Variants in CNTNAP2 observed in about 807,000 individuals in gnomAD.
CNTNAP2 encodes contactin associated protein 2.
A neutral mutation model predicts 155.2 loss-of-function variants in CNTNAP2; 98 were observed. That is an observed-to-expected ratio of 0.63 (90% CI 0.54 to 0.75). The LOEUF is 0.75. Among genes scored for constraint, CNTNAP2 ranks in the 30% least tolerant of loss-of-function variants. The pLI is 0.00. For missense variants in CNTNAP2, 1,727 were observed against 1,688.1 expected, an observed-to-expected ratio of 1.02 and a Z score of -0.40; for synonymous variants, 651 against 631.2, an observed-to-expected ratio of 1.03 and a Z score of -0.47.
intron 20 of CNTNAP2, among the ~76,000 whole-genome samples, chr7:148,247,663 A>T (rs141513969): frequency 0.26 from 26,486 of 103,626 alleles, 3,147 homozygotes; most frequent in Non-Finnish European, 0.29. Flanking sequence ...TTATTTATTT[A>T]TTTTTTTGGA....
At chr7:147,028,756 C>G (rs1798970007) in intron 3 of CNTNAP2, among the ~76,000 whole-genome samples, 2 of 152,020 alleles carry the variant, frequency 1.3e-5, no homozygotes, top group South Asian at 4.1e-4. Flanking sequence ...GTGAAGGAAA[C>G]AGATAATAAC....
intron 1 of CNTNAP2, among the ~76,000 whole-genome samples, chr7:146,324,468 G>A (rs1801062456): frequency 6.6e-6 from 1 of 152,090 alleles, no homozygotes; most frequent in Non-Finnish European, 1.5e-5. Context: ...CTTCCCCTGT[G>A]TCTCCTGTTT....
intron 12 of CNTNAP2, among the ~76,000 whole-genome samples, chr7:147,605,221 T>C (rs1290815087): frequency 2.0e-5 from 3 of 152,162 alleles, no homozygotes; most frequent in Non-Finnish European, 4.4e-5. Flanking sequence ...CTTCCTTCTA[T>C]AGGGATGAAA....
At chr7:146,361,276 T>A (rs774581992) in intron 1 of CNTNAP2, among the ~76,000 whole-genome samples, 6 of 152,152 alleles carry the variant, frequency 3.9e-5, no homozygotes, top group African/African-American at 7.2e-5. Context: ...AAAATTTGCA[T>A]ATTCAGAGGG....
At chr7:147,662,772 C>G (rs897441905) in intron 13 of CNTNAP2, among the ~76,000 whole-genome samples, 1 of 152,204 alleles carries the variant, frequency 6.6e-6, no homozygotes, top group East Asian at 1.9e-4. Flanking sequence ...AGTGACATCT[C>G]TACAGGCTAG....
rs146096774 is a variant in CNTNAP2 at position 147,723,591 on chromosome 7, G to T, written c.2098+84285G>T. Among the ~76,000 whole-genome samples, 102 of 150,976 alleles carry T rather than the reference G, an allele frequency of 6.8e-4. 1 individual carries two copies. The highest frequency in any genetic ancestry group is 2.4e-3 in the African/African-American group (97 of 41,104). ...TTGTCTTTTTTTTTTTAGAACTCTA[G>T]TTGCAAAACTCTGCTTATACGTGAA... On this transcript the variant is annotated intron_variant, in intron 13 of 23. Coordinates refer to ENST00000361727, the MANE Select transcript of CNTNAP2 (RefSeq NM_014141.6).
At chr7:146,551,323 GT>G (rs1311595947) in intron 1 of CNTNAP2, among the ~76,000 whole-genome samples, 1 of 151,828 alleles carries the variant, frequency 6.6e-6, no homozygotes, top group African/African-American at 2.4e-5. Flanking sequence ...AGTGTGTGAT[GT>G]TCCCCTTCCT....
At chr7:146,174,650 C>A (rs1798444044) in intron 1 of CNTNAP2, among the ~76,000 whole-genome samples, 1 of 151,762 alleles carries the variant, frequency 6.6e-6, no homozygotes, top group Non-Finnish European at 1.5e-5. Context: ...CCAGCCTGGC[C>A]AATATGGCGA....
intron 1 of CNTNAP2, among the ~76,000 whole-genome samples, chr7:146,185,059 G>A (rs545137414): frequency 1.4e-4 from 21 of 152,176 alleles, no homozygotes; most frequent in Admixed American, 1.2e-3. Context: ...TCAGAACACA[G>A]GTTGTCCAAA....
intron 1 of CNTNAP2, among the ~76,000 whole-genome samples, chr7:146,539,437 A>G (rs1469877441): frequency 1.3e-5 from 2 of 152,080 alleles, no homozygotes; most frequent in Non-Finnish European, 2.9e-5. Context: ...GCAATCTGCC[A>G]GTTCAATGGA....
At chr7:147,231,701 C>T (rs189044537) in intron 8 of CNTNAP2, among the ~76,000 whole-genome samples, 2 of 152,166 alleles carry the variant, frequency 1.3e-5, no homozygotes, top group Non-Finnish European at 2.9e-5. Context: ...AGCATCTCTT[C>T]ATATACCTGT....
At chr7:148,172,202 G>A in intron 17 of CNTNAP2, 40 bp from the exon 18 acceptor site, 1 of 1,591,276 alleles carries the variant, frequency 6.3e-7, no homozygotes, top group Non-Finnish European at 8.6e-7. Flanking sequence ...CAATAGCAGA[G>A]GTTATTCCCT....
At chr7:147,672,669 C>T (rs187959887) in intron 13 of CNTNAP2, 7 of 152,198 alleles carry the variant, frequency 4.6e-5, no homozygotes, top group Admixed American at 2.0e-4. Flanking sequence ...ATTTTAGATG[C>T]TCTTCAGACT....
chr7:148,101,970 T>C (rs1304525099), intron 15 of CNTNAP2, among the ~76,000 whole-genome samples: 1 of 152,226 alleles, frequency 6.6e-6, no homozygotes, highest in Non-Finnish European at 1.5e-5. Flanking sequence ...GGACCAAAAC[T>C]TCTATTTTTT....
chr7:147,534,655 C>A (rs1261179744), intron 11 of CNTNAP2, among the ~76,000 whole-genome samples: 5 of 152,118 alleles, frequency 3.3e-5, no homozygotes, highest in Non-Finnish European at 5.9e-5. Flanking sequence ...AAAGATGGGA[C>A]TTTTAAAGTT....
chr7:147,292,020 T>C (rs938807483), intron 8 of CNTNAP2, among the ~76,000 whole-genome samples: 1 of 152,178 alleles, frequency 6.6e-6, no homozygotes, highest in Admixed American at 6.5e-5. Flanking sequence ...TGAAAATAAT[T>C]TTTCCTAGTC....
chr7:147,075,178 T>C (rs1405274524), intron 4 of CNTNAP2, among the ~76,000 whole-genome samples: 1 of 152,232 alleles, frequency 6.6e-6, no homozygotes, highest in African/African-American at 2.4e-5. Context: ...AATCTCATTT[T>C]ATAAATAAAT....
At chr7:147,903,503 T>C in intron 13 of CNTNAP2, 62 bp from the exon 14 acceptor site, 1 of 1,555,180 alleles carries the variant, frequency 6.4e-7, no homozygotes, top group Non-Finnish European at 8.9e-7. Flanking sequence ...TGGGTGTAAG[T>C]GTGGCAGTCT....
intron 15 of CNTNAP2, among the ~76,000 whole-genome samples, chr7:148,008,414 A>G (rs1802017441): frequency 1.3e-5 from 2 of 152,154 alleles, no homozygotes; most frequent in Non-Finnish European, 2.9e-5. Context: ...AAGCATTGAG[A>G]TTAAAGTGTT....
Sources: allele counts gnomAD v4.1 joint callset (sites outside exome capture counted in the v4.1 genomes callset), GRCh38; gene constraint gnomAD v4.1.1; transcripts MANE v1.5; gene names NCBI Gene and HGNC (gene_info 2026-07-23, HGNC 2026-07-21).